Variants in PEAK1 observed in about 807,000 individuals in gnomAD.
PEAK1 encodes the protein inactive tyrosine-protein kinase PEAK1.
A neutral mutation model predicts 124.7 loss-of-function variants in PEAK1; 54 were observed. The ratio of observed to expected loss-of-function variants is 0.43; its 90% CI spans 0.35 to 0.54. PEAK1 has a LOEUF of 0.54. Ranked by LOEUF, PEAK1 falls within the 20% of genes least tolerant of loss-of-function variation. The pLI, the probability that PEAK1 is intolerant of heterozygous loss-of-function variation, is 0.01. For missense variants in PEAK1, 2,046 were observed against 2,134.5 expected (o/e 0.96, Z 0.82); for synonymous variants, 719 against 760.0 (o/e 0.95, Z 0.89).
At chr15:77,229,097 C>T (rs1190696584) in intron 6 of PEAK1, among the ~76,000 whole-genome samples, 1 of 152,122 alleles carries the variant, frequency 6.6e-6, no homozygotes, top group Non-Finnish European at 1.5e-5. Flanking sequence ...CCCTAGAAAA[C>T]CATTCCAAGA....
chr15:77,224,130 G>A lies in PEAK1; in HGVS notation c.-115+28237C>T, dbSNP rs532723335. Among the ~76,000 whole-genome samples the A allele has an allele frequency of 5.1e-4, 77 of 151,272 alleles. 1 individual carries two copies. Among genetic ancestry groups the A allele is most frequent in the Non-Finnish European group, 9.2e-4 (62 of 67,728 alleles). ...CCTCAAAATGTTTACAAAATAAGTAGTAGTTTTTTTTTTTCTACTTTAAGA... is the reference window on the plus strand; with the variant it reads ...CCTCAAAATGTTTACAAAATAAGTAATAGTTTTTTTTTTTCTACTTTAAGA... On this transcript the variant is annotated intron_variant, in intron 6 of 9. Coordinates refer to ENST00000682557, the MANE Select transcript of PEAK1 (RefSeq NM_001385026.1).
intron 2 of PEAK1, chr15:77,347,899 AG>A: frequency 2.0e-6 from 2 of 984,412 alleles, no homozygotes; most frequent in Non-Finnish European, 2.4e-6. Flanking sequence ...CTAAAAAAAA[AG>A]TAGCTCACCT....
At chr15:77,326,060 A>G (rs1212683088) in intron 2 of PEAK1, among the ~76,000 whole-genome samples, 1 of 152,188 alleles carries the variant, frequency 6.6e-6, no homozygotes, top group African/African-American at 2.4e-5. Flanking sequence ...AATGTTCTAA[A>G]TTGTAAGAGA....
chr15:77,331,446 T>C (rs1276176475), intron 2 of PEAK1, among the ~76,000 whole-genome samples: 1 of 152,042 alleles, frequency 6.6e-6, no homozygotes, highest in African/African-American at 2.4e-5. Context: ...CTATTTTAAC[T>C]ATTTAGGTTG....
intron 6 of PEAK1, among the ~76,000 whole-genome samples, chr15:77,250,121 T>C (rs900954626): frequency 2.9e-5 from 4 of 138,230 alleles, no homozygotes; most frequent in African/African-American, 1.3e-4. Flanking sequence ...TTAGAGATTT[T>C]TTTTTAAAGA....
chr15:77,273,740 A>T (rs2062158148), intron 5 of PEAK1, among the ~76,000 whole-genome samples: 1 of 152,210 alleles, frequency 6.6e-6, no homozygotes. Context: ...ATTCCCATGA[A>T]AATACCACCA....
At chr15:77,160,102 G>A (rs1301422358) in intron 7 of PEAK1, among the ~76,000 whole-genome samples, 1 of 151,836 alleles carries the variant, frequency 6.6e-6, no homozygotes, top group African/African-American at 2.4e-5. Context: ...CTTCTCGATG[G>A]GCTGCCCTCG....
At chr15:77,418,456 AGTTT>A in intron 1 of PEAK1, 1 of 985,370 alleles carries the variant, frequency 1.0e-6, no homozygotes, top group Non-Finnish European at 1.2e-6. Flanking sequence ...TTTTTCACAT[AGTTT>A]GTGAGTTGGT....
intron 1 of PEAK1, among the ~76,000 whole-genome samples, chr15:77,410,253 C>G (rs1173264596): frequency 6.6e-6 from 1 of 151,858 alleles, no homozygotes; most frequent in East Asian, 1.9e-4. Context: ...CCTACCTCAG[C>G]CTCCCGGGAT....
chr15:77,419,215 G>A (rs1475026156), intron 1 of PEAK1: 2 of 985,162 alleles, frequency 2.0e-6, no homozygotes, highest in South Asian at 4.7e-5. Flanking sequence ...GGGGAGGAGG[G>A]TCTCTCCCGG....
At chr15:77,268,962 G>C (rs1223022033) in intron 5 of PEAK1, among the ~76,000 whole-genome samples, 1 of 152,040 alleles carries the variant, frequency 6.6e-6, no homozygotes, top group Non-Finnish European at 1.5e-5. Context: ...ACAAACAAAT[G>C]CTGAAAGAAT....
chr15:77,117,411 T>C (rs1339214614), intron 9 of PEAK1, among the ~76,000 whole-genome samples: 1 of 152,234 alleles, frequency 6.6e-6, no homozygotes, highest in Non-Finnish European at 1.5e-5. Context: ...GGATCAAGTA[T>C]ATAGCGTACA....
At position 77,180,142 on chromosome 15, in the gene PEAK1, A is replaced by G. The variant is rs1567076140; in HGVS notation, c.1785T>C (p.Phe595=). 1 of 1,614,138 alleles carries G rather than the reference A, an allele frequency of 6.2e-7. No homozygotes were observed. Among genetic ancestry groups the G allele is most frequent in the Non-Finnish European group, 8.5e-7 (1 of 1,179,986 alleles). Residue 595 remains phenylalanine, a synonymous_variant, in exon 7 of 10, where the codon TTT becomes TTC. Transcript: ENST00000682557. ...VKSPNLSEIK[F]NSYNNAGMPP... is the part of the protein sequence containing the mutation. ...GCATACCAGCATTGTTATAACTATT[A>G]AATTTAATTTCAGACAAATTAGGTG...
chr15:77,385,833 G>A (rs752309131), intron 1 of PEAK1, among the ~76,000 whole-genome samples: 1 of 152,186 alleles, frequency 6.6e-6, no homozygotes, highest in Non-Finnish European at 1.5e-5. Context: ...CTCCTGACTA[G>A]TTAAAAGCAT....
chr15:77,178,960 G>A lies in PEAK1; in HGVS notation c.2967C>T (p.Phe989=). 1 of 1,614,082 alleles carries A rather than the reference G, an allele frequency of 6.2e-7. No homozygotes were observed. The highest frequency in any genetic ancestry group is 1.7e-5 in the Admixed American group (1 of 59,994). The part of the protein sequence containing the change: ...GESSEKPAIV[F]MYRCDPAQGQ... ...CTTGAGCAGGGTCGCACCTGTACATGAAGACAATGGCTGGTTTCTCACTGG... is the reference window on the plus strand; with the variant it reads ...CTTGAGCAGGGTCGCACCTGTACATAAAGACAATGGCTGGTTTCTCACTGG... The change falls in exon 7 of 10, where the codon TTC becomes TTT. Residue 989 remains phenylalanine, a synonymous_variant. Coordinates refer to ENST00000682557, the MANE Select transcript of PEAK1 (RefSeq NM_001385026.1).
At chr15:77,130,301 C>T (rs2052750558) in intron 9 of PEAK1, among the ~76,000 whole-genome samples, 1 of 152,230 alleles carries the variant, frequency 6.6e-6, no homozygotes, top group African/African-American at 2.4e-5. Context: ...GCACCATAAC[C>T]TCAATTTATA....
upstream of PEAK1, chr15:77,420,360 C>T (rs1362548376): frequency 1.3e-5 from 2 of 152,072 alleles, no homozygotes; most frequent in Non-Finnish European, 1.5e-5. Context: ...CTTCCAACCT[C>T]CAGAGGACGA....
chr15:77,250,229 ATATG>A (rs1266672231), intron 6 of PEAK1, among the ~76,000 whole-genome samples: 1 of 116,242 alleles, frequency 8.6e-6, no homozygotes, highest in African/African-American at 2.9e-5. Context: ...ATACACATAT[ATATG>A]TATATGTATA....
At chr15:77,194,904 T>C (rs1338700026) in intron 6 of PEAK1, among the ~76,000 whole-genome samples, 1 of 152,198 alleles carries the variant, frequency 6.6e-6, no homozygotes, top group Non-Finnish European at 1.5e-5. Context: ...GGCATCACTA[T>C]ATTTTAGAAT....
Sources: allele counts gnomAD v4.1 joint callset (sites outside exome capture counted in the v4.1 genomes callset), GRCh38; gene constraint gnomAD v4.1.1; transcripts MANE v1.5; gene names NCBI Gene and HGNC (gene_info 2026-07-23, HGNC 2026-07-21).